Variants in VASN observed in about 807,000 individuals in gnomAD.
VASN encodes the protein vasorin, also known as protein slit-like 2.
In VASN, 5 loss-of-function variants were observed where a neutral mutation model predicts 4.8. That is an observed-to-expected ratio of 1.03 (90% confidence interval 0.54 to 2.17). VASN has a LOEUF of 2.17. VASN is among the 30% of genes most tolerant of loss of function. The pLI, the probability that VASN is intolerant of heterozygous loss-of-function variation, is 0.01. For missense variants in VASN, 927 were observed against 948.8 expected, an observed-to-expected ratio of 0.98 and a Z score of 0.30; for synonymous variants, 499 against 460.8, an observed-to-expected ratio of 1.08 and a Z score of -1.06.
chr16:4,380,187 C>A (rs1468965866), intron 1 of VASN, among the ~76,000 whole-genome samples: 1 of 152,172 alleles, frequency 6.6e-6, no homozygotes, highest in African/African-American at 2.4e-5. Flanking sequence ...GCTCTGTCAC[C>A]AGCCTCAGCT....
rs563539410 is a variant in VASN at position 4,382,161 on chromosome 16, G to C, written c.1284G>C (p.Leu428=). The C allele has an allele frequency of 1.3e-6, 2 of 1,593,612 alleles. No individual in the cohort carries two copies. Among genetic ancestry groups the C allele is most frequent in the Non-Finnish European group, 1.7e-6 (2 of 1,171,356 alleles). ...GTCHLGTRHH[L]ACLCPEGFTG... ...GCCACCTGGGGACACGGCACCACCT[G>C]GCGTGCTTGTGCCCCGAAGGCTTCA... Residue 428 remains leucine (L), a synonymous_variant, in exon 2 of 2, where the codon CTG becomes CTC. Coordinates refer to ENST00000304735, the MANE Select transcript of VASN (RefSeq NM_138440.3).
At position 4,383,035 on chromosome 16, in the gene VASN, G is replaced by C; in HGVS notation, c.*136G>C. On this transcript the variant is annotated 3_prime_UTR_variant, in exon 2 of 2. Coordinates refer to ENST00000304735, the MANE Select transcript of VASN (RefSeq NM_138440.3). ...AGACAGGGCTGTGTGACCACAGCTG[G>C]GCCCTGTTCCCTCTGGACCTCGGTC... 8.0e-6 allele frequency: 8 copies of C among 998,246 alleles called. No individual in the cohort carries two copies. Among genetic ancestry groups the C allele is most frequent in the Non-Finnish European group, 1.1e-5 (8 of 703,374 alleles). 61.8% of individuals were successfully genotyped at this position (998,246 alleles called of 1,614,324 possible). A position where few individuals can be genotyped will look rare whatever the true frequency, so the allele number is the denominator to read the frequency against.
rs1431455226 is a variant in VASN, at chr16:4,382,542, A to G, written c.1665A>G (p.Thr555=). Residue 555 remains threonine, a synonymous_variant, in exon 2 of 2, where the codon ACA becomes ACG. Transcript: ENST00000304735. ...EGEEACGEAH[T]PPAVHSNHAP... is the part of the protein sequence containing the mutation. ...AGGAGGCCTGCGGGGAGGCCCATAC[A>G]CCCCCAGCCGTCCACTCCAACCACG... The G allele has an allele frequency of 1.3e-6, 2 of 1,583,724 alleles. No individual in the cohort carries two copies. The highest frequency in any genetic ancestry group is 1.1e-5 in the South Asian group (1 of 87,432).
rs375299971 is a variant in VASN, at chr16:4,382,473, C to A, written c.1596C>A (p.Ser532=). ...VTQLRPNATY[S]VCVMPLGPGR... ...AGCTGCGGCCCAACGCCACTTACTCCGTCTGTGTCATGCCTTTGGGGCCCG... is the reference window on the plus strand; with the variant it reads ...AGCTGCGGCCCAACGCCACTTACTCAGTCTGTGTCATGCCTTTGGGGCCCG... The change falls in exon 2 of 2, where the codon TCC becomes TCA. Residue 532 remains serine (S), a synonymous_variant. Transcript: ENST00000304735. 2.5e-6 allele frequency: 4 copies of A among 1,605,656 alleles called. No homozygotes were observed. The East Asian group carries it at 6.7e-5, about 27-fold the overall frequency.
intron 1 of VASN, among the ~76,000 whole-genome samples, chr16:4,376,078 AGGG>A (rs1277226319): frequency 6.6e-6 from 1 of 152,160 alleles, no homozygotes; most frequent in Admixed American, 6.5e-5. Flanking sequence ...ATCACCAGCC[AGGG>A]GTCCCCGCGC....
chr16:4,374,514 TTTAA>T (rs1301851451), intron 1 of VASN, among the ~76,000 whole-genome samples: 1 of 151,902 alleles, frequency 6.6e-6, no homozygotes, highest in Non-Finnish European at 1.5e-5. Context: ...GCCTGAGAGA[TTTAA>T]TTAAGGAGGG....
Position 4,383,054 on chromosome 16 carries a change from C to G in VASN, c.*155C>G, listed in dbSNP as rs2055058305. Reference sequence around the variant, plus strand: ...CAGCTGGGCCCTGTTCCCTCTGGACCTCGGTCTCCTCATCTGTGAGATGCT... The same window carrying G: ...CAGCTGGGCCCTGTTCCCTCTGGACGTCGGTCTCCTCATCTGTGAGATGCT... On this transcript the variant is annotated 3_prime_UTR_variant, in exon 2 of 2. Coordinates refer to ENST00000304735, the MANE Select transcript of VASN (RefSeq NM_138440.3). 5 of 803,480 alleles carry G rather than the reference C, an allele frequency of 6.2e-6. No homozygotes were observed. The highest frequency in any genetic ancestry group is 1.8e-5 in the African/African-American group (1 of 55,588). 49.8% of individuals were successfully genotyped at this position (803,480 alleles called of 1,614,324 possible).
intron 1 of VASN, among the ~76,000 whole-genome samples, chr16:4,373,670 C>T (rs573770531): frequency 1.3e-5 from 2 of 152,292 alleles, no homozygotes; most frequent in South Asian, 4.1e-4. Context: ...CACTGACAGC[C>T]CCGGGGGAGC....
intron 1 of VASN, among the ~76,000 whole-genome samples, chr16:4,372,822 G>A (rs2054583403): frequency 6.6e-6 from 1 of 152,168 alleles, no homozygotes. Flanking sequence ...GCCCAGGGGT[G>A]GAGTGTGCAG....
At chr16:4,379,313 G>A (rs1159703047) in intron 1 of VASN, among the ~76,000 whole-genome samples, 1 of 152,066 alleles carries the variant, frequency 6.6e-6, no homozygotes, top group African/African-American at 2.4e-5. Flanking sequence ...TTCTAGGGGT[G>A]CCAAAGTGGG....
rs371774246 is a variant in VASN at position 4,375,686 on chromosome 16, C to T, written c.-10+3693C>T. On this transcript the variant is annotated intron_variant, in intron 1 of 1. Coordinates refer to ENST00000304735, the MANE Select transcript of VASN (RefSeq NM_138440.3). ...TGTATTTTTAGTAGAGACGGGGTTT[C>T]ACCATGTTAGCCAGGATGGTCTCGA... Among the ~76,000 whole-genome samples the T allele has an allele frequency of 3.3e-5, 5 of 152,220 alleles. No homozygotes were observed. The East Asian group carries it at 9.6e-4, about 29-fold the overall frequency.
In VASN at chr16:4,382,765, C is replaced by A; in HGVS notation, c.1888C>A (p.Pro630Thr). ...GPLELEGVKV[P>T]LEPGPKATEG... ...CCTGGAACTGGAGGGAGTGAAGGTC[C>A]CCTTGGAGCCAGGCCCGAAGGCAAC... The change falls in exon 2 of 2, where the codon CCC becomes ACC. Residue 630 changes from proline (P) to threonine (T), a missense_variant. Physicochemically the swap from Pro to Thr is conservative, Grantham distance 38. Transcript: ENST00000304735. The A allele has an allele frequency of 6.4e-7, 1 of 1,565,716 alleles. No individual in the cohort carries two copies. Among genetic ancestry groups the A allele is most frequent in the South Asian group, 1.2e-5 (1 of 85,544 alleles).
Position 4,381,516 on chromosome 16 carries a change from C to G in VASN, c.639C>G (p.Ser213Arg). 6.3e-7 allele frequency: 1 copy of G among 1,598,088 alleles called. No individual in the cohort carries two copies. Among genetic ancestry groups the G allele is most frequent in the Non-Finnish European group, 8.5e-7 (1 of 1,173,698 alleles). Residue 213 changes from serine (S) to arginine (R), a missense_variant, in exon 2 of 2, where the codon AGC becomes AGG. Coordinates refer to ENST00000304735, the MANE Select transcript of VASN (RefSeq NM_138440.3). ...GLQQLDEGLF[S>R]RLRNLHDLDV... ...AGCAGCTGGACGAGGGGCTCTTCAG[C>G]CGCTTGCGCAACCTCCACGACCTGG...
intron 1 of VASN, among the ~76,000 whole-genome samples, chr16:4,375,189 C>G (rs2054676291): frequency 6.6e-6 from 1 of 152,196 alleles, no homozygotes. Flanking sequence ...CTGCCCTGGG[C>G]TAACAGGTCT....
intron 1 of VASN, among the ~76,000 whole-genome samples, chr16:4,378,813 G>A (rs1198964114): frequency 2.0e-5 from 3 of 152,094 alleles, no homozygotes; most frequent in African/African-American, 7.2e-5. Context: ...GACAGCAAGG[G>A]GGACACCGCT....
At chr16:4,377,887 GC>G (rs2054803287) in intron 1 of VASN, among the ~76,000 whole-genome samples, 1 of 152,174 alleles carries the variant, frequency 6.6e-6, no homozygotes, top group South Asian at 2.1e-4. Context: ...CAGGACCCCA[GC>G]CCACAGTCCT....
At chr16:4,375,122 G>A (rs918938498) in intron 1 of VASN, among the ~76,000 whole-genome samples, 1 of 152,216 alleles carries the variant, frequency 6.6e-6, no homozygotes, top group Non-Finnish European at 1.5e-5. Context: ...ACGATGGCAC[G>A]TCCCACCGCC....
In VASN at chr16:4,375,783, C is replaced by T. The variant is rs184942007; in HGVS notation, c.-10+3790C>T. Among the ~76,000 whole-genome samples the T allele has an allele frequency of 3.0e-4, 45 of 152,328 alleles. 1 individual carries two copies. In the East Asian group the frequency reaches 7.0e-3, roughly 24 times the overall value. Reference sequence around the variant, plus strand: ...GATTACAGGCGTGAGCCACCATGCCCGGCAGAATTTCTTGTTTAATTGGCC... The same window carrying T: ...GATTACAGGCGTGAGCCACCATGCCTGGCAGAATTTCTTGTTTAATTGGCC... On this transcript the variant is annotated intron_variant, in intron 1 of 1. Coordinates refer to ENST00000304735, the MANE Select transcript of VASN (RefSeq NM_138440.3).
chr16:4,377,757 C>T (rs777831542), intron 1 of VASN, among the ~76,000 whole-genome samples: 1 of 152,186 alleles, frequency 6.6e-6, no homozygotes, highest in Non-Finnish European at 1.5e-5. Context: ...AAAGCTCCAG[C>T]GCTGCCTCCT....
Sources: gnomAD v4.1 joint callset for allele counts (sites outside exome capture counted in the v4.1 genomes callset) on GRCh38, gnomAD v4.1.1 for gene constraint, MANE v1.5 for transcripts, NCBI Gene and HGNC (gene_info 2026-07-23, HGNC 2026-07-21) for gene names.